The following SLTM variants were observed in gnomAD, a reference collection of about 807,000 sequenced individuals.
SLTM encodes SAFB like transcription modulator, also known as SAFB-like transcription modulator.
SLTM carries 43 observed loss-of-function variants against 134.6 expected under a neutral mutation model. That is an observed-to-expected ratio of 0.32 (90% CI 0.25 to 0.41). SLTM has a LOEUF of 0.41. SLTM is among the 10% of genes least tolerant of loss of function. SLTM has a pLI of 1.00. For synonymous variants in SLTM, 424 were observed against 432.3 expected (o/e 0.98, Z 0.24); for missense variants, 1,055 against 1,288.8 (o/e 0.82, Z 2.78).
rs60261686 is a variant in SLTM, at chr15:58,886,218, AGTGTGTGTGTGTGTGTGTGTGT to A, written c.2835+735_2835+756del. The stretch of plus-strand genomic sequence containing the variant: ...TTAAATGAAGCAGGAGAAAAAGAAG[AGTGTGTGTGTGTGTGTGTGTGT>A]GTGTGTGTGTGTGTGTGTGTGTGTG... On this transcript the variant is annotated intron_variant, in intron 19 of 20. Transcript: ENST00000380516. 5.1e-3 allele frequency among the ~76,000 whole-genome samples: 636 copies of A among 124,472 alleles called. 7 individuals carry two copies. The highest frequency in any genetic ancestry group is 0.017 in the African/African-American group (587 of 33,744). The allele number at this position is 124,472 out of a possible 152,430, so 81.7% of individuals were successfully genotyped here.
At chr15:58,904,367 G>C (rs2035716234) in intron 5 of SLTM, among the ~76,000 whole-genome samples, 2 of 152,062 alleles carry the variant, frequency 1.3e-5, no homozygotes, top group South Asian at 4.1e-4. Context: ...CTAAGTTAAA[G>C]TGTGCCAATT....
chr15:58,927,823 G>A (rs1441894782), intron 2 of SLTM, among the ~76,000 whole-genome samples: 1 of 152,140 alleles, frequency 6.6e-6, no homozygotes, highest in African/African-American at 2.4e-5. Context: ...CTTAACATCT[G>A]AACATACTAC....
chr15:58,910,094 T>C (rs1173208250), intron 5 of SLTM, among the ~76,000 whole-genome samples: 1 of 152,204 alleles, frequency 6.6e-6, no homozygotes, highest in Non-Finnish European at 1.5e-5. Flanking sequence ...AAAATTTTTA[T>C]TTTAGGAGTG....
rs768653337 is a variant in SLTM at position 58,917,003 on chromosome 15, C to T, written c.251-4G>A. 1.6e-5 allele frequency: 25 copies of T among 1,612,850 alleles called. No homozygotes were observed. Among genetic ancestry groups the T allele is most frequent in the Admixed American group, 1.3e-4 (8 of 59,938 alleles). ...TCATCTGCTTCATGTTTTTTACCTG[C>T]GAAAGAAGGAAAATGGGCTAACAAC... On this transcript the variant is annotated splice_polypyrimidine_tract_variant and splice_region_variant and intron_variant, in intron 2 of 20. Transcript: ENST00000380516.
chr15:58,901,909 A>C (rs1462464780), intron 5 of SLTM, among the ~76,000 whole-genome samples: 1 of 152,108 alleles, frequency 6.6e-6, no homozygotes, highest in Admixed American at 6.5e-5. Context: ...AAAAAAGTTC[A>C]TAGTTGTCAC....
chr15:58,898,693 CAAT>C, intron 8 of SLTM, 107 bp downstream of exon 8: 1 of 741,038 alleles, frequency 1.3e-6, no homozygotes, highest in African/African-American at 1.8e-5. Context: ...TCTAGTCTGT[CAAT>C]AAAATTTTTA....
chr15:58,909,972 A>C (rs1166505198), intron 5 of SLTM, among the ~76,000 whole-genome samples: 1 of 152,228 alleles, frequency 6.6e-6, no homozygotes, highest in Non-Finnish European at 1.5e-5. Flanking sequence ...AAAACATTTC[A>C]ATCAATCACA....
intron 14 of SLTM, 140 bp downstream of exon 14, chr15:58,892,757 A>T (rs1170882787): frequency 1.2e-6 from 1 of 839,260 alleles, no homozygotes; most frequent in Non-Finnish European, 1.9e-6. Flanking sequence ...AAACTTAAGA[A>T]ATCATTAGAT....
intron 2 of SLTM, among the ~76,000 whole-genome samples, chr15:58,926,269 T>G (rs1462888910): frequency 6.6e-6 from 1 of 152,162 alleles, no homozygotes; most frequent in African/African-American, 2.4e-5. Flanking sequence ...TTTTTGATTC[T>G]CCAGACTACA....
At chr15:58,903,696 TAATA>T (rs1263629490) in intron 5 of SLTM, among the ~76,000 whole-genome samples, 3 of 147,646 alleles carry the variant, frequency 2.0e-5, no homozygotes, top group African/African-American at 7.5e-5. Flanking sequence ...ATAATAATAA[TAATA>T]AAAAGATTAA....
intron 2 of SLTM, among the ~76,000 whole-genome samples, chr15:58,925,523 A>C (rs1226875545): frequency 6.6e-6 from 1 of 152,060 alleles, no homozygotes; most frequent in Admixed American, 6.6e-5. Context: ...TTTTTAGTAG[A>C]GATGGGGTTT....
chr15:58,890,254 T>C (rs764194307), intron 15 of SLTM, 27 bp downstream of exon 15: 3 of 1,609,668 alleles, frequency 1.9e-6, no homozygotes, highest in Non-Finnish European at 2.5e-6. Flanking sequence ...GTGAGTTATT[T>C]AAGATGAAAA....
intron 2 of SLTM, among the ~76,000 whole-genome samples, chr15:58,923,799 CTTTTTTTTTTTTTT>C (rs34100406): frequency 4.3e-5 from 3 of 69,588 alleles, no homozygotes; most frequent in Non-Finnish European, 5.1e-5. Flanking sequence ...GAAGCCAAAC[CTTTTTTTTTTTTTT>C]TTTTTTTTTT....
chr15:58,899,366 C>T lies in SLTM; in HGVS notation c.1058+103G>A. 1 of 885,682 alleles carries T rather than the reference C, an allele frequency of 1.1e-6. No homozygotes were observed. The allele number at this position is 885,682 out of a possible 1,614,324, so 54.9% of individuals were successfully genotyped here. A position where few individuals can be genotyped will look rare whatever the true frequency, so the allele number is the denominator to read the frequency against. On this transcript the variant is annotated intron_variant, in intron 7 of 20. Coordinates refer to ENST00000380516, the MANE Select transcript of SLTM (RefSeq NM_024755.4). This position sits in a 1 kb window ranked among gnomAD's most constrained non-coding sequence, Gnocchi z 5.0. ...AAATATTATAGGCAGGATCATAAGA[C>T]ACTAATTACTGTACATGTTCTTGAA...
At chr15:58,915,624 C>T (rs191642260) in intron 3 of SLTM, among the ~76,000 whole-genome samples, 3 of 152,174 alleles carry the variant, frequency 2.0e-5, no homozygotes, top group African/African-American at 2.4e-5. Context: ...TCAATTTTAA[C>T]GGATCCCTGG....
chr15:58,927,972 T>A (rs6494045), intron 2 of SLTM, among the ~76,000 whole-genome samples: 5 of 152,176 alleles, frequency 3.3e-5, no homozygotes. Context: ...ATTATAAATA[T>A]GTAGTCTGTG....
chr15:58,887,842 G>A (rs187558746), intron 17 of SLTM, among the ~76,000 whole-genome samples: 1 of 152,130 alleles, frequency 6.6e-6, no homozygotes, highest in Admixed American at 6.6e-5. Flanking sequence ...AGCAATCAGT[G>A]CTTCCACAGT....
At position 58,893,075 on chromosome 15, in the gene SLTM, T is replaced by G; in HGVS notation, c.1735-15A>C. The G allele has an allele frequency of 6.4e-7, 1 of 1,563,112 alleles. No homozygotes were observed. On this transcript the variant is annotated splice_polypyrimidine_tract_variant and intron_variant, in intron 13 of 20. Transcript: ENST00000380516. ...CTTCCATGAATCTGTAGAAAAAAAT[T>G]AGAAGAACACTAGAAATTAAAATAT...
rs185573434 is a variant in SLTM, at chr15:58,914,321, A to C, written c.316-625T>G. Among the ~76,000 whole-genome samples the C allele has an allele frequency of 5.6e-4, 86 of 152,338 alleles. No homozygotes were observed. In the East Asian group the frequency reaches 9.1e-3, roughly 16 times the overall value. On this transcript the variant is annotated intron_variant, in intron 3 of 20. Transcript: ENST00000380516. Reference sequence around the variant, plus strand: ...TTAATTTCCTGATTAAATGAAGAGAAAAGGGGTGAAAGCAATAAACATTAC... The same window carrying C: ...TTAATTTCCTGATTAAATGAAGAGACAAGGGGTGAAAGCAATAAACATTAC...
Sources: allele counts gnomAD v4.1 joint callset (sites outside exome capture counted in the v4.1 genomes callset), GRCh38; gene constraint gnomAD v4.1.1; non-coding constraint Gnocchi (gnomAD v3.1); transcripts MANE v1.5; gene names NCBI Gene and HGNC (gene_info 2026-07-23, HGNC 2026-07-21).